Variants in CFAP47 observed in about 807,000 individuals in gnomAD.
The protein encoded by CFAP47 is cilia and flagella associated protein 47.
In CFAP47, 29 loss-of-function variants were observed where a neutral mutation model predicts 148.1. That is an observed-to-expected ratio of 0.20 (90% confidence interval 0.15 to 0.27). CFAP47 has a LOEUF of 0.27. CFAP47 is among the 10% of genes least tolerant of loss of function. The pLI is 1.00. For missense variants in CFAP47, 1,872 were observed against 1,697.5 expected (o/e 1.10, Z -1.81); for synonymous variants, 664 against 577.3 (o/e 1.15, Z -2.15).
At chrX:36,150,715 C>T (rs1939298052) in intron 37 of CFAP47, among the ~76,000 whole-genome samples, 1 of 111,064 alleles carries the variant, frequency 9.0e-6, no homozygotes, top group Non-Finnish European at 1.9e-5. Context: ...TGTTAGCTTT[C>T]TTCAGTTATT....
At chrX:36,190,558 C>T (rs147693890) in intron 42 of CFAP47, among the ~76,000 whole-genome samples, 2,224 of 112,075 alleles carry the variant, frequency 0.02, 19 homozygotes, top group Non-Finnish European at 0.033. Context: ...ATAGATATTC[C>T]GACGACAGTC....
intron 5 of CFAP47, 77 bp downstream of exon 5, chrX:35,951,436 A>G: frequency 2.9e-6 from 2 of 679,680 alleles, no homozygotes; most frequent in Admixed American, 7.0e-5. Context: ...ATAACCAACA[A>G]GCTTTTTAAT....
intron 33 of CFAP47, among the ~76,000 whole-genome samples, chrX:36,137,179 G>C (rs1003605934): frequency 6.3e-5 from 7 of 111,014 alleles, no homozygotes; most frequent in Middle Eastern, 4.6e-3. Context: ...AGAGAGATTT[G>C]AGGGAATTTA....
At chrX:36,007,571 T>G (rs1306225642) in intron 21 of CFAP47, among the ~76,000 whole-genome samples, 2 of 112,349 alleles carry the variant, frequency 1.8e-5, no homozygotes, top group African/African-American at 6.5e-5. Context: ...AATGTGTCAT[T>G]TAGTTTCTGT....
At chrX:36,134,563 A>T (rs1330093892) in intron 33 of CFAP47, among the ~76,000 whole-genome samples, 1 of 110,074 alleles carries the variant, frequency 9.1e-6, no homozygotes, top group Non-Finnish European at 1.9e-5. Flanking sequence ...ATATTACTTG[A>T]ATAATTGGAA....
chrX:36,055,845 C>T (rs191323129), intron 26 of CFAP47, among the ~76,000 whole-genome samples: 29 of 111,688 alleles, frequency 2.6e-4, no homozygotes, highest in Non-Finnish European at 4.3e-4. Flanking sequence ...TTTTAATAAT[C>T]GCCATTCTGA....
At chrX:35,924,015 ATATG>A (rs1935642932) in intron 1 of CFAP47, among the ~76,000 whole-genome samples, 2 of 83,371 alleles carry the variant, frequency 2.4e-5, no homozygotes, top group African/African-American at 9.4e-5. Context: ...GTGTAAATAT[ATATG>A]CACATATATA....
chrX:36,379,578 C>T, intron 63 of CFAP47, 60 bp downstream of exon 63: 1 of 929,330 alleles, frequency 1.1e-6, no homozygotes, highest in Non-Finnish European at 1.5e-6. Flanking sequence ...ACTAAATAAA[C>T]TAGCAAGAAA....
chrX:36,073,914 ATGT>A (rs202072846), intron 29 of CFAP47, among the ~76,000 whole-genome samples: 1,801 of 111,807 alleles, frequency 0.016, 44 homozygotes, highest in African/African-American at 0.056. Context: ...ACTGGTTATA[ATGT>A]TGTTGGTGTG....
rs921795218 is a variant in CFAP47 at position 36,190,173 on chromosome X, G to A, written c.6298G>A (p.Val2100Ile). The change falls in exon 42 of 64, where the codon GTC (valine) becomes ATC (isoleucine). Residue 2100 changes from valine (V) to isoleucine (I), a missense_variant. Val to Ile is a conservative substitution (Grantham distance 29). Coordinates refer to ENST00000378653, the MANE Select transcript of CFAP47 (RefSeq NM_001304548.2). Reference protein sequence around the residue: ...LPFNMHVRYCVIILSNKKIGQ... With the variant: ...LPFNMHVRYCIIILSNKKIGQ... ...CTTTAACATGCACGTGCGCTACTGT[G>A]TCATCATCTTGAGCAACAAAAAGGT... 6.7e-6 allele frequency: 2 copies of A among 296,479 alleles called. No individual in the cohort carries two copies. Among genetic ancestry groups the A allele is most frequent in the Admixed American group, 1.2e-4 (2 of 16,266 alleles). 24.4% of individuals were successfully genotyped at this position (296,479 alleles called of 1,213,427 possible).
intron 8 of CFAP47, among the ~76,000 whole-genome samples, chrX:35,959,878 C>CAA (rs755201291): frequency 4.5e-3 from 131 of 28,826 alleles, no homozygotes; most frequent in South Asian, 7.3e-3. Flanking sequence ...GACTCCGTCT[C>CAA]AAAAAAAAAA....
chrX:36,243,657 A>G (rs992198245), intron 48 of CFAP47, among the ~76,000 whole-genome samples: 104 of 66,547 alleles, frequency 1.6e-3, no homozygotes, highest in East Asian at 5.9e-3. Context: ...GTATATATAT[A>G]TATATATATA....
At position 35,957,313 on chromosome X, in the gene CFAP47, C is replaced by A. The variant is rs192695142; in HGVS notation, c.1410+1117C>A. ...CAATTTACAGAAAGGGTTTGCTGAA[C>A]CCTGCCTTAAATATAGCAAACATGA... is the stretch of plus-strand genomic sequence containing the variant. On this transcript the variant is annotated intron_variant, in intron 8 of 63. Coordinates refer to ENST00000378653, the MANE Select transcript of CFAP47 (RefSeq NM_001304548.2). Among the ~76,000 whole-genome samples, 124 of 110,683 alleles carry A rather than the reference C, an allele frequency of 1.1e-3. 2 individuals carry two copies. In the East Asian group the frequency reaches 0.028, roughly 25 times the overall value.
At chrX:35,933,202 T>TC (rs909660083) in intron 2 of CFAP47, among the ~76,000 whole-genome samples, 9 of 107,251 alleles carry the variant, frequency 8.4e-5, no homozygotes, top group African/African-American at 3.1e-4. Context: ...GCATTAACCC[T>TC]CCCCCTTCTT....
intron 48 of CFAP47, among the ~76,000 whole-genome samples, chrX:36,237,344 T>G (rs1200237843): frequency 9.0e-6 from 1 of 111,689 alleles, no homozygotes; most frequent in African/African-American, 3.3e-5. Context: ...TATTTTATTT[T>G]ATTTTATTTT....
intron 22 of CFAP47, among the ~76,000 whole-genome samples, chrX:36,015,436 T>C (rs941468414): frequency 1.8e-5 from 2 of 111,130 alleles, no homozygotes; most frequent in African/African-American, 6.5e-5. Context: ...TTTTTGCAAG[T>C]TGGCTTTGCT....
chrX:35,969,990 G>C lies in CFAP47; in HGVS notation c.1815-778G>C, dbSNP rs191743627. On this transcript the variant is annotated intron_variant, in intron 10 of 63. Transcript: ENST00000378653. ...AGGTTTGTTACATATGTATACATGCGCCATGTTGGTGTGCTGCACCCATTA... is the reference window on the plus strand; with the variant it reads ...AGGTTTGTTACATATGTATACATGCCCCATGTTGGTGTGCTGCACCCATTA... Among the ~76,000 whole-genome samples, 17 of 109,029 alleles carry C rather than the reference G, an allele frequency of 1.6e-4. No homozygotes were observed. In the Admixed American group the frequency reaches 1.7e-3, roughly 11 times the overall value. 94.7% of individuals were successfully genotyped at this position (109,029 alleles called of 115,157 possible). A position where few individuals can be genotyped will look rare whatever the true frequency, so the allele number is the denominator to read the frequency against.
rs985852972 is a variant in CFAP47 at position 36,176,880 on chromosome X, G to A, written c.6027-2465G>A. ...GATTGTGCCATTGCATTCCAGCCTG[G>A]GCGACAGAGTGAGACTCCGTCTAAA... is the stretch of plus-strand genomic sequence containing the variant. On this transcript the variant is annotated intron_variant, in intron 39 of 63. Coordinates refer to ENST00000378653, the MANE Select transcript of CFAP47 (RefSeq NM_001304548.2). Among the ~76,000 whole-genome samples, 7 of 112,015 alleles carry A rather than the reference G, an allele frequency of 6.2e-5. No homozygotes were observed. In the East Asian group the frequency reaches 2.0e-3, roughly 31 times the overall value.
At chrX:36,037,338 TTTGTTGTTGTTGTTG>T (rs768498053) in intron 24 of CFAP47, among the ~76,000 whole-genome samples, 8 of 106,214 alleles carry the variant, frequency 7.5e-5, no homozygotes, top group Admixed American at 2.0e-4. Flanking sequence ...AACTTTACTC[TTTGTTGTTGTTGTTG>T]TTGTTGTTGT....
Sources: allele counts gnomAD v4.1 joint callset (sites outside exome capture counted in the v4.1 genomes callset), GRCh38; gene constraint gnomAD v4.1.1; transcripts MANE v1.5; gene names NCBI Gene and HGNC (gene_info 2026-07-23, HGNC 2026-07-21).